The following WDR27 variants were observed in gnomAD, a reference collection of about 807,000 sequenced individuals.
The protein encoded by WDR27 is WD repeat domain 27.
A neutral mutation model predicts 114.4 loss-of-function variants in WDR27; 100 were observed. The observed-to-expected ratio is 0.87, with a 90% confidence interval of 0.74 to 1.03. The LOEUF (loss-of-function observed/expected upper bound fraction) is 1.03. Ranked by LOEUF, WDR27 falls within the 50% of genes least tolerant of loss-of-function variation. WDR27 has a pLI of 0.00. For missense variants in WDR27, 1,129 were observed against 1,092.9 expected (o/e 1.03, Z -0.47); for synonymous variants, 449 against 423.1 (o/e 1.06, Z -0.75).
chr6:169,672,203 TGA>T, intron 3 of WDR27, 50 bp downstream of exon 3: 1 of 1,581,212 alleles, frequency 6.3e-7, no homozygotes, highest in Non-Finnish European at 8.6e-7. Flanking sequence ...TACTGAAGGA[TGA>T]GTTATTCCTT....
chr6:169,581,795 G>A (rs1222212546), intron 24 of WDR27, among the ~76,000 whole-genome samples: 4 of 98,748 alleles, frequency 4.1e-5, no homozygotes, highest in African/African-American at 6.8e-5. Flanking sequence ...ACGGCGATAC[G>A]TCCTATAGCA....
rs184272602 is a variant in WDR27 at position 169,681,356 on chromosome 6, C to G, written c.189+7461G>C. Among the ~76,000 whole-genome samples, 4 of 152,308 alleles carry G rather than the reference C, an allele frequency of 2.6e-5. No individual in the cohort carries two copies. The East Asian group carries it at 7.7e-4, about 29-fold the overall frequency. ...ACAATAACAAAAATTCTGCACCCAT[C>G]CATGGTCCAAAGTCTCTCTACAAGA... On this transcript the variant is annotated intron_variant, in intron 2 of 25. Coordinates refer to ENST00000448612, the MANE Select transcript of WDR27 (RefSeq NM_182552.5).
chr6:169,451,819 G>A, the WDR27 span, among the ~76,000 whole-genome samples: 1 of 152,140 alleles, frequency 6.6e-6, no homozygotes, highest in African/African-American at 2.4e-5. Flanking sequence ...TGTCATATAT[G>A]TGTCTTCTTT....
intron 25 of WDR27, among the ~76,000 whole-genome samples, chr6:169,560,118 A>T (rs115373000): frequency 0.016 from 2,471 of 152,134 alleles, 64 homozygotes; most frequent in African/African-American, 0.057. Context: ...AATTCCCACA[A>T]GTTGTGGGAG....
the WDR27 span, among the ~76,000 whole-genome samples, chr6:169,439,818 T>A: frequency 1.7e-4 from 26 of 151,432 alleles, no homozygotes; most frequent in East Asian, 3.3e-3. Flanking sequence ...GTTATGACAG[T>A]ATGGTTTTTA....
Position 169,638,669 on chromosome 6 carries a change from A to G in WDR27, c.1748-9T>C. 6.3e-7 allele frequency: 1 copy of G among 1,596,272 alleles called. No individual in the cohort carries two copies. Among genetic ancestry groups the G allele is most frequent in the Non-Finnish European group, 8.5e-7 (1 of 1,171,478 alleles). ...CACTGCCCCGTCGTGACCTAACAGG[A>G]ATGACCACAGAAGGTTACTATTTCT... On this transcript the variant is annotated splice_polypyrimidine_tract_variant and intron_variant, in intron 17 of 25. Transcript: ENST00000448612.
chr6:169,623,789 C>T (rs1047700637), intron 21 of WDR27, among the ~76,000 whole-genome samples: 4 of 152,218 alleles, frequency 2.6e-5, no homozygotes, highest in African/African-American at 9.7e-5. Flanking sequence ...AGGCCCCAAT[C>T]ATGGGATTTA....
At chr6:169,648,700 C>T (rs1353195894) in intron 15 of WDR27, among the ~76,000 whole-genome samples, 1 of 152,226 alleles carries the variant, frequency 6.6e-6, no homozygotes, top group Non-Finnish European at 1.5e-5. Context: ...AAATCTAGGA[C>T]TGGGAGGGAC....
chr6:169,571,837 AAAAC>A (rs996135215), intron 25 of WDR27, among the ~76,000 whole-genome samples: 26 of 152,262 alleles, frequency 1.7e-4, no homozygotes, highest in African/African-American at 4.8e-4. Context: ...GACCCTGTCT[AAAAC>A]AAACAAACAA....
At chr6:169,620,988 C>G (rs1244180978) in intron 21 of WDR27, among the ~76,000 whole-genome samples, 1 of 152,176 alleles carries the variant, frequency 6.6e-6, no homozygotes, top group Non-Finnish European at 1.5e-5. Flanking sequence ...GTGTAATACA[C>G]GTGTTCCTAT....
At chr6:169,520,208 T>C (rs776581694) in intron 25 of WDR27, among the ~76,000 whole-genome samples, 24 of 152,216 alleles carry the variant, frequency 1.6e-4, no homozygotes, top group African/African-American at 5.3e-4. Flanking sequence ...CCCCAGGGCA[T>C]GAACCCATAG....
At chr6:169,644,611 G>C (rs1385685014) in intron 16 of WDR27, among the ~76,000 whole-genome samples, 21 of 149,236 alleles carry the variant, frequency 1.4e-4, no homozygotes, top group African/African-American at 4.7e-4. Context: ...CTAGTTCACA[G>C]GAGTCACACT....
chr6:169,448,460 T>C, the WDR27 span, among the ~76,000 whole-genome samples: 4 of 151,528 alleles, frequency 2.6e-5, no homozygotes, highest in Non-Finnish European at 5.9e-5. Flanking sequence ...GCAGATACAG[T>C]TGAGGTGCAT....
intron 25 of WDR27, among the ~76,000 whole-genome samples, chr6:169,514,070 C>T (rs1241842902): frequency 1.3e-5 from 2 of 152,044 alleles, no homozygotes; most frequent in African/African-American, 2.4e-5. Context: ...ATAAGGTTCA[C>T]GTTATTTCAG....
chr6:169,600,525 G>A (rs944747152), intron 23 of WDR27, among the ~76,000 whole-genome samples: 11 of 152,132 alleles, frequency 7.2e-5, no homozygotes, highest in Non-Finnish European at 1.3e-4. Context: ...CGAGCTAAAG[G>A]AGGAAGTTCG....
intron 25 of WDR27, among the ~76,000 whole-genome samples, chr6:169,535,498 T>C (rs1796105430): frequency 6.6e-6 from 1 of 152,178 alleles, no homozygotes; most frequent in Non-Finnish European, 1.5e-5. Flanking sequence ...TTATAAGTCC[T>C]TTTTTCTTTC....
chr6:169,621,386 GCA>G (rs773668925), intron 21 of WDR27, among the ~76,000 whole-genome samples: 1 of 137,296 alleles, frequency 7.3e-6, no homozygotes, highest in South Asian at 2.4e-4. Flanking sequence ...GTAGACATAC[GCA>G]CACACATGCA....
In WDR27 at chr6:169,689,108, C is replaced by T; in HGVS notation, c.-7-96G>A. 1.7e-5 allele frequency: 12 copies of T among 711,652 alleles called. No homozygotes were observed. The East Asian group carries it at 3.6e-4, about 21-fold the overall frequency. The allele number at this position is 711,652 out of a possible 1,614,324, so 44.1% of individuals were successfully genotyped here. A position where few individuals can be genotyped will look rare whatever the true frequency, so the allele number is the denominator to read the frequency against. On this transcript the variant is annotated intron_variant, in intron 1 of 25. Transcript: ENST00000448612. ...ACTGATAGTTACTAGTTTGACCACA[C>T]ACATATACCACATCATACCTATTTA...
At chr6:169,560,886 C>T (rs1211699734) in intron 25 of WDR27, among the ~76,000 whole-genome samples, 4 of 152,028 alleles carry the variant, frequency 2.6e-5, no homozygotes, top group Non-Finnish European at 5.9e-5. Context: ...TAATCCAACA[C>T]CTAATTTTAG....
Sources: allele counts gnomAD v4.1 joint callset (sites outside exome capture counted in the v4.1 genomes callset), GRCh38; gene constraint gnomAD v4.1.1; transcripts MANE v1.5; gene names NCBI Gene and HGNC (gene_info 2026-07-23, HGNC 2026-07-21).